Variants in ACBD5 observed in about 807,000 individuals in gnomAD.
ACBD5 encodes acyl-CoA binding domain containing 5, also known as acyl-CoA-binding domain-containing protein 5.
In ACBD5, 40 loss-of-function variants were observed where a neutral mutation model predicts 71.8. That is an observed-to-expected ratio of 0.56 (90% CI 0.43 to 0.72). The LOEUF (loss-of-function observed/expected upper bound fraction) is 0.72, where lower values mean the gene tolerates loss of function less well. Among genes scored for constraint, ACBD5 ranks in the 30% least tolerant of loss-of-function variants. The pLI is 0.00. For synonymous variants in ACBD5, 229 were observed against 218.6 expected, an observed-to-expected ratio of 1.05 and a Z score of -0.42; for missense variants, 559 against 644.5, an observed-to-expected ratio of 0.87 and a Z score of 1.44.
At chr10:27,189,630 G>GAGC (rs2058985321) in intron 13 of ACBD5, among the ~76,000 whole-genome samples, 8 of 137,800 alleles carry the variant, frequency 5.8e-5, no homozygotes, top group South Asian at 4.6e-4. Context: ...TGTGGGGTGG[G>GAGC]GGGGAGGGAT....
At chr10:27,232,735 G>C (rs2064061221) in intron 3 of ACBD5, among the ~76,000 whole-genome samples, 1 of 152,060 alleles carries the variant, frequency 6.6e-6, no homozygotes, top group African/African-American at 2.4e-5. Context: ...TCACTTCTAG[G>C]ATACTGAAAA....
rs771208380 is a variant in ACBD5 at position 27,240,402 on chromosome 10, T to C, written c.98A>G (p.Gln33Arg). The C allele has an allele frequency of 1.2e-4, 188 of 1,613,934 alleles. No homozygotes were observed. Among genetic ancestry groups the C allele is most frequent in the Non-Finnish European group, 1.4e-4 (160 of 1,179,998 alleles). ...DRPWDRGQHWQLEMADTRSVH... is the reference protein window; with the variant it reads ...DRPWDRGQHWRLEMADTRSVH... ...GGATCTCGTGTCCGCCATCTCCAGC[T>C]GCCAGTGTTGGCCCCGGTCCCAAGG... The change falls in exon 2 of 13, where the codon CAG becomes CGG. Residue 33 changes from glutamine to arginine, a missense_variant. Physicochemically the swap from Gln to Arg is conservative, Grantham distance 43. Transcript: ENST00000396271. This position sits in a 1 kb window ranked among gnomAD's most constrained non-coding sequence, Gnocchi z 4.1.
intron 7 of ACBD5, among the ~76,000 whole-genome samples, chr10:27,216,346 G>A (rs373852641): frequency 1.3e-5 from 2 of 152,170 alleles, no homozygotes; most frequent in East Asian, 3.8e-4. Context: ...TCACCATGTT[G>A]GCCAGGCTGG....
chr10:27,205,150 A>G (rs2060350344), intron 11 of ACBD5, 48 bp downstream of exon 11: 1 of 1,576,126 alleles, frequency 6.3e-7, no homozygotes, highest in Admixed American at 1.7e-5. Flanking sequence ...AACAACAACA[A>G]AAAACATATG....
intron 2 of ACBD5, among the ~76,000 whole-genome samples, chr10:27,238,191 A>C (rs642430): frequency 0.18 from 26,848 of 151,684 alleles, 2,878 homozygotes; most frequent in East Asian, 0.32. Flanking sequence ...GTGATCCGCC[A>C]GCCCCGTGAT....
At chr10:27,238,580 T>C (rs1316199153) in intron 2 of ACBD5, among the ~76,000 whole-genome samples, 2 of 152,212 alleles carry the variant, frequency 1.3e-5, no homozygotes, top group East Asian at 1.9e-4. Flanking sequence ...TTCTTTCTTA[T>C]CTTTCAGTCC....
chr10:27,228,571 C>T (rs949635329), intron 4 of ACBD5, among the ~76,000 whole-genome samples: 5 of 150,560 alleles, frequency 3.3e-5, no homozygotes, highest in African/African-American at 1.2e-4. Flanking sequence ...TGCGAGACTC[C>T]GTCTCAAAAA....
chr10:27,203,162 A>T (rs1262127197), intron 12 of ACBD5, among the ~76,000 whole-genome samples: 3 of 151,280 alleles, frequency 2.0e-5, no homozygotes, highest in Non-Finnish European at 4.4e-5. Flanking sequence ...AATTTTTTAA[A>T]TTTTTTGTGG....
intron 3 of ACBD5, among the ~76,000 whole-genome samples, chr10:27,233,890 CA>C (rs946635722): frequency 6.6e-6 from 1 of 151,898 alleles, no homozygotes; most frequent in Non-Finnish European, 1.5e-5. Context: ...ACTAAAAATA[CA>C]AAATTAGCTA....
In ACBD5 at chr10:27,223,348, A is replaced by G. The variant is rs758753288; in HGVS notation, c.480T>C (p.Asp160=). 1.2e-5 allele frequency: 19 copies of G among 1,612,384 alleles called. No homozygotes were observed. Among genetic ancestry groups the G allele is most frequent in the Non-Finnish European group, 1.5e-5 (18 of 1,178,688 alleles). ...VEDKKSGRSS[D]ITSDLGNVLT... is the part of the protein sequence containing the mutation. Reference sequence around the variant, plus strand: ...GTAAAATAGTCCAACCTGAGGTTATATCAGAACTCCTGCCACTCTTTTTGT... The same window carrying G: ...GTAAAATAGTCCAACCTGAGGTTATGTCAGAACTCCTGCCACTCTTTTTGT... Residue 160 remains aspartate, a synonymous_variant, in exon 5 of 13, where the codon GAT becomes GAC. Coordinates refer to ENST00000396271, the MANE Select transcript of ACBD5 (RefSeq NM_145698.5).
At chr10:27,235,494 T>A (rs1013290800) in intron 2 of ACBD5, among the ~76,000 whole-genome samples, 3 of 152,216 alleles carry the variant, frequency 2.0e-5, no homozygotes, top group African/African-American at 7.2e-5. Flanking sequence ...CAAAATAACC[T>A]GCAAATGTCT....
intron 13 of ACBD5, among the ~76,000 whole-genome samples, chr10:27,185,514 T>G (rs2136257377): frequency 6.7e-6 from 1 of 148,752 alleles, no homozygotes; most frequent in East Asian, 2.0e-4. Flanking sequence ...ACATCTGTAA[T>G]CCCAGCTACT....
intron 12 of ACBD5, among the ~76,000 whole-genome samples, chr10:27,203,931 C>A (rs530316370): frequency 8.2e-4 from 125 of 151,906 alleles, no homozygotes; most frequent in African/African-American, 2.9e-3. Context: ...AGCCACCGTG[C>A]CTTTCAGAAC....
intron 13 of ACBD5, among the ~76,000 whole-genome samples, chr10:27,183,482 ACCATGTTGG>A (rs961355273): frequency 3.9e-5 from 6 of 151,914 alleles, no homozygotes; most frequent in Admixed American, 1.3e-4. Context: ...ATGGGGTTTC[ACCATGTTGG>A]CCAGGATGGT....
At position 27,240,452 on chromosome 10, in the gene ACBD5, G is replaced by GCAGCAC; in HGVS notation, c.42_47dup (p.Trp14_Cys15dup). 6.2e-7 allele frequency: 1 copy of GCAGCAC among 1,613,774 alleles called. No homozygotes were observed. The highest frequency in any genetic ancestry group is 8.5e-7 in the Non-Finnish European group (1 of 1,179,822). On this transcript the variant is annotated inframe_insertion, in exon 2 of 13. Transcript: ENST00000396271. The surrounding 1 kb of genome is among the most constrained non-coding windows in gnomAD (Gnocchi z 4.1). ...GTCTGTCGGCGGGAATCAGGCAGCA[G>GCAGCAC]CAGCACCAGCTTTCCCAAGAGCCTG...
rs1564733694 is a variant in ACBD5, at chr10:27,237,947, A to ATTTT, written c.181+2371_181+2372insAAAA. On this transcript the variant is annotated intron_variant, in intron 2 of 12. Coordinates refer to ENST00000396271, the MANE Select transcript of ACBD5 (RefSeq NM_145698.5). ...GTATCTTTTTTTTTAAATTTAATTT[A>ATTTT]ATTTAATTTTATTTTATTTTTTCGG... is the stretch of plus-strand genomic sequence containing the variant. Among the ~76,000 whole-genome samples, 428 of 148,184 alleles carry ATTTT rather than the reference A, an allele frequency of 2.9e-3. 12 individuals carry two copies. Among genetic ancestry groups the ATTTT allele is most frequent in the East Asian group, 0.026 (131 of 5,008 alleles).
intron 12 of ACBD5, among the ~76,000 whole-genome samples, chr10:27,203,014 C>T (rs2136713362): frequency 1.5e-5 from 2 of 129,108 alleles, no homozygotes; most frequent in African/African-American, 3.0e-5. Flanking sequence ...CACTCTGTCA[C>T]CCGGGCTGGA....
chr10:27,192,971 C>CA (rs796167980), downstream of ACBD5, among the ~76,000 whole-genome samples: 105 of 126,210 alleles, frequency 8.3e-4, no homozygotes, highest in South Asian at 1.8e-3. Context: ...GACTCCGTTT[C>CA]AAAAAAAAAA....
intron 10 of ACBD5, among the ~76,000 whole-genome samples, chr10:27,205,748 T>G (rs2060411275): frequency 6.6e-6 from 1 of 151,590 alleles, no homozygotes; most frequent in South Asian, 2.1e-4. Flanking sequence ...CAGGCTGGTC[T>G]CGAACTCCCG....
Sources: allele counts gnomAD v4.1 joint callset (sites outside exome capture counted in the v4.1 genomes callset), GRCh38; gene constraint gnomAD v4.1.1; non-coding constraint Gnocchi (gnomAD v3.1); transcripts MANE v1.5; gene names NCBI Gene and HGNC (gene_info 2026-07-23, HGNC 2026-07-21).